Variants in RMDN2 observed in about 807,000 individuals in gnomAD.
The protein encoded by RMDN2 is regulator of microtubule dynamics protein 2.
A neutral mutation model predicts 52.8 loss-of-function variants in RMDN2; 61 were observed. The observed-to-expected ratio is 1.16, with a 90% CI of 0.94 to 1.43. RMDN2 has a LOEUF of 1.43. Among genes scored for constraint, RMDN2 ranks in the 40% most tolerant of loss-of-function variants. RMDN2 has a pLI of 0.00. For missense variants in RMDN2, 592 were observed against 475.3 expected (o/e 1.25, Z -2.28); for synonymous variants, 180 against 153.1 (o/e 1.18, Z -1.30).
chr2:37,924,717 G>A (rs762364420), upstream of RMDN2, among the ~76,000 whole-genome samples: 2 of 152,200 alleles, frequency 1.3e-5, no homozygotes, highest in Non-Finnish European at 2.9e-5. Context: ...ACAAACCACA[G>A]AAAGCTGGGT....
At chr2:38,016,878 A>G (rs184493581) in intron 10 of RMDN2, among the ~76,000 whole-genome samples, 17 of 152,332 alleles carry the variant, frequency 1.1e-4, no homozygotes, top group African/African-American at 3.6e-4. Context: ...ATTCAATGAA[A>G]TAAACATGAT....
chr2:38,033,723 GA>G (rs1196486620), intron 10 of RMDN2, among the ~76,000 whole-genome samples: 2 of 152,154 alleles, frequency 1.3e-5, no homozygotes, highest in Admixed American at 6.5e-5. Flanking sequence ...AATTAAGAGA[GA>G]AAATTTGAGA....
In RMDN2 at chr2:38,031,299, G is replaced by A. The variant is rs1680185932; in HGVS notation, c.1713+27083G>A. Among the ~76,000 whole-genome samples the A allele has an allele frequency of 3.9e-5, 4 of 103,520 alleles. No individual in the cohort carries two copies. The Middle Eastern group carries it at 0.033, about 863-fold the overall frequency. The allele number at this position is 103,520 out of a possible 152,430, so 67.9% of individuals were successfully genotyped here. ...TTTTTTTGAGATGGGCTCTTGCCAT[G>A]TTGCCCAGGCTGGAGTGCAGTGGCC... On this transcript the variant is annotated intron_variant, in intron 10 of 10. Transcript: ENST00000234195.
At chr2:37,924,163 C>A (rs190543355), upstream of RMDN2, among the ~76,000 whole-genome samples, 18 of 152,294 alleles carry the variant, frequency 1.2e-4, no homozygotes, top group African/African-American at 3.8e-4. Context: ...AATCCCTATC[C>A]GTAAACAGTA....
chr2:38,031,388 C>G (rs1220484938), intron 10 of RMDN2, among the ~76,000 whole-genome samples: 1 of 151,818 alleles, frequency 6.6e-6, no homozygotes, highest in Non-Finnish European at 1.5e-5. Context: ...ATCCTCCCAC[C>G]TCAGCCTCCC....
chr2:38,023,186 C>A (rs571804224), intron 10 of RMDN2, among the ~76,000 whole-genome samples: 31 of 152,314 alleles, frequency 2.0e-4, no homozygotes, highest in Non-Finnish European at 4.4e-5. Context: ...CCATGCCTAA[C>A]ACCATGAGCA....
rs555163188 is a variant in RMDN2, at chr2:38,009,396, G to T, written c.1179+5180G>T. On this transcript the variant is annotated intron_variant, in intron 10 of 10. Transcript: ENST00000354545. ...TCACATAGTCCCACATTTCTTGGAG[G>T]CTTTGTTCGTTTCTTTTTATTCTTT... Among the ~76,000 whole-genome samples, 33 of 152,246 alleles carry T rather than the reference G, an allele frequency of 2.2e-4. No individual in the cohort carries two copies. In the South Asian group the frequency reaches 6.6e-3, roughly 31 times the overall value.
intron 10 of RMDN2, among the ~76,000 whole-genome samples, chr2:38,062,050 T>C (rs2125309048): frequency 6.6e-6 from 1 of 152,360 alleles, no homozygotes; most frequent in South Asian, 2.1e-4. Flanking sequence ...TACCTGCCAA[T>C]GTCAGTTCAG....
chr2:38,021,244 C>T (rs890514426), downstream of RMDN2, among the ~76,000 whole-genome samples: 1 of 152,108 alleles, frequency 6.6e-6, no homozygotes, highest in Non-Finnish European at 1.5e-5. Flanking sequence ...CCAATCAGCA[C>T]CCTGTCAAAA....
intron 4 of RMDN2, among the ~76,000 whole-genome samples, chr2:37,980,886 T>G (rs1235247590): frequency 6.6e-6 from 1 of 152,200 alleles, no homozygotes; most frequent in Non-Finnish European, 1.5e-5. Context: ...TGTCTTATTT[T>G]ACATTTTATT....
At chr2:37,966,234 C>G (rs916767745) in intron 2 of RMDN2, among the ~76,000 whole-genome samples, 1 of 151,964 alleles carries the variant, frequency 6.6e-6, no homozygotes, top group Non-Finnish European at 1.5e-5. Context: ...CTGGCTAACA[C>G]GGTGAAACCC....
chr2:37,941,259 C>T (rs904993951), intron 2 of RMDN2, among the ~76,000 whole-genome samples: 1 of 104,984 alleles, frequency 9.5e-6, no homozygotes, highest in Non-Finnish European at 1.9e-5. Flanking sequence ...CTGCTCCTTC[C>T]TCTGGAAGCT....
intron 2 of RMDN2, chr2:37,950,568 T>C (rs1668650849): frequency 4.3e-6 from 7 of 1,613,194 alleles, no homozygotes; most frequent in Non-Finnish European, 5.9e-6. Flanking sequence ...TTACTTTGGA[T>C]TAAATTTACA....
At chr2:38,015,902 G>T (rs963942513) in intron 10 of RMDN2, among the ~76,000 whole-genome samples, 1 of 152,226 alleles carries the variant, frequency 6.6e-6, no homozygotes, top group Non-Finnish European at 1.5e-5. Flanking sequence ...GCTAGAGAAA[G>T]TGTGCTATCT....
downstream of RMDN2, among the ~76,000 whole-genome samples, chr2:38,021,743 C>G (rs1050662133): frequency 6.6e-6 from 1 of 152,180 alleles, no homozygotes; most frequent in African/African-American, 2.4e-5. Flanking sequence ...GTACAAATCC[C>G]ACCACTGATC....
chr2:38,022,434 G>A (rs893752992), downstream of RMDN2, among the ~76,000 whole-genome samples: 1 of 152,156 alleles, frequency 6.6e-6, no homozygotes, highest in African/African-American at 2.4e-5. Context: ...GATTGTTCCT[G>A]CTAGATCACG....
chr2:38,064,015 A>AAT, intron 10 of RMDN2, among the ~76,000 whole-genome samples: 1 of 152,160 alleles, frequency 6.6e-6, no homozygotes, highest in Non-Finnish European at 1.5e-5. Context: ...TACATACATA[A>AAT]ATATATATCT....
chr2:37,956,846 C>T (rs1275978962), intron 2 of RMDN2, among the ~76,000 whole-genome samples: 1 of 152,012 alleles, frequency 6.6e-6, no homozygotes, highest in Admixed American at 6.6e-5. Context: ...TGATGTTCCC[C>T]TCCCTATGTC....
At chr2:38,040,403 A>G (rs1186462533) in intron 10 of RMDN2, among the ~76,000 whole-genome samples, 2 of 152,108 alleles carry the variant, frequency 1.3e-5, no homozygotes, top group Non-Finnish European at 2.9e-5. Flanking sequence ...TGAGGGTTCT[A>G]CTGTCATGAA....
Sources: allele counts gnomAD v4.1 joint callset (sites outside exome capture counted in the v4.1 genomes callset), GRCh38; gene constraint gnomAD v4.1.1; transcripts MANE v1.5; gene names NCBI Gene and HGNC (gene_info 2026-07-23, HGNC 2026-07-21).